Variants in MUC5B observed in about 807,000 individuals in gnomAD.
MUC5B encodes mucin-5B.
A neutral mutation model predicts 376.9 loss-of-function variants in MUC5B; 116 were observed. The observed-to-expected ratio is 0.31, with a 90% confidence interval of 0.26 to 0.36. The LOEUF is 0.36. MUC5B is among the 10% of genes least tolerant of loss of function. The pLI, the probability that MUC5B is intolerant of heterozygous loss-of-function variation, is 1.00. For missense variants in MUC5B, 7,165 were observed against 7,769.9 expected, an observed-to-expected ratio of 0.92 and a Z score of 2.93; for synonymous variants, 3,517 against 3,390.9, an observed-to-expected ratio of 1.04 and a Z score of -1.29.
Position 1,261,585 on chromosome 11 carries a change from G to A in MUC5B, c.17266G>A (p.Ala5756Thr). 1.2e-6 allele frequency: 2 copies of A among 1,606,516 alleles called. No individual in the cohort carries two copies. The highest frequency in any genetic ancestry group is 1.7e-6 in the Non-Finnish European group (2 of 1,177,612). ...MAPPHTRGFPAQEATAV is the reference protein window; with the variant it reads ...MAPPHTRGFPTQEATAV ...TCCCCCACACACCCGTGGCTTCCCG[G>A]CCCAGGAGGCCACTGCTGTCTGAGA... The change falls in exon 49 of 49, where the codon GCC becomes ACC. Residue 5756 changes from alanine to threonine, a missense_variant. This residue lies in a region of MUC5B where 842 missense variants were observed against 1,016.9 expected (regional missense o/e 0.83). Coordinates refer to ENST00000529681, the MANE Select transcript of MUC5B (RefSeq NM_002458.3).
At chr11:1,252,729 T>C (rs1862738121) in intron 32 of MUC5B, 80 bp from the exon 33 acceptor site, 1 of 1,500,572 alleles carries the variant, frequency 6.7e-7, no homozygotes, top group Non-Finnish European at 9.0e-7. Flanking sequence ...CCCGGGGCTT[T>C]GGGCCATGAG....
At position 1,246,864 on chromosome 11, in the gene MUC5B, C is replaced by A; in HGVS notation, c.9984C>A (p.Leu3328=). 6.2e-7 allele frequency: 1 copy of A among 1,610,392 alleles called. No individual in the cohort carries two copies. Among genetic ancestry groups the A allele is most frequent in the Non-Finnish European group, 8.5e-7 (1 of 1,178,110 alleles). The change falls in exon 31 of 49, where the codon CTC becomes CTA. Residue 3328 remains leucine, a synonymous_variant. Coordinates refer to ENST00000529681, the MANE Select transcript of MUC5B (RefSeq NM_002458.3). ...ATPSSSPGTA[L]TPPVWISTTT... is the part of the protein sequence containing the mutation. Reference sequence around the variant, plus strand: ...CCTCCTCCAGCCCAGGGACGGCACTCACGCCTCCAGTGTGGATCAGCACAA... The same window carrying A: ...CCTCCTCCAGCCCAGGGACGGCACTAACGCCTCCAGTGTGGATCAGCACAA...
chr11:1,225,595 C>T, intron 1 of MUC5B, 86 bp from the exon 2 acceptor site: 2 of 1,261,770 alleles, frequency 1.6e-6, no homozygotes, highest in Non-Finnish European at 2.2e-6. Flanking sequence ...GGCTGCCGCA[C>T]CAGGGATGTG....
chr11:1,226,820 G>A lies in MUC5B; in HGVS notation c.405G>A (p.Lys135=). Residue 135 remains lysine, a synonymous_variant, in exon 4 of 49, where the codon AAG becomes AAA. Transcript: ENST00000529681. ...CTGTGGTCACCCGTGTTGTCATCAA[G>A]GCCCAGGGGCTGGTGCTGGAGGCGT... The part of the protein sequence containing the change: ...SRPVVTRVVI[K]AQGLVLEASN... The A allele has an allele frequency of 6.2e-7, 1 of 1,611,020 alleles. No individual in the cohort carries two copies. Among genetic ancestry groups the A allele is most frequent in the Non-Finnish European group, 8.5e-7 (1 of 1,179,774 alleles).
In MUC5B at chr11:1,253,133, T is replaced by G. The variant is rs1225826065; in HGVS notation, c.15217+153T>G. On this transcript the variant is annotated intron_variant, in intron 33 of 48. Transcript: ENST00000529681. This position sits in a 1 kb window ranked among gnomAD's most constrained non-coding sequence, Gnocchi z 4.3. ...GGGCATGGTGGGGTGCAGTGGGGCA[T>G]GGTGGGGCATGGTGGGGTGTGGTGG... The G allele has an allele frequency of 6.2e-5, 43 of 693,698 alleles. No homozygotes were observed. Among genetic ancestry groups the G allele is most frequent in the South Asian group, 1.0e-4 (6 of 57,290 alleles). The allele number at this position is 693,698 out of a possible 1,614,324, so 43.0% of individuals were successfully genotyped here.
chr11:1,240,039 C>A lies in MUC5B; in HGVS notation c.3729-6C>A. On this transcript the variant is annotated splice_region_variant and splice_polypyrimidine_tract_variant and intron_variant, in intron 28 of 48. Transcript: ENST00000529681. ...GGCCCTCAGCTCGCCTCTCCCCCAC[C>A]CCTAGTAACTGCACACCCAGTGGCA... 1 of 1,582,008 alleles carries A rather than the reference C, an allele frequency of 6.3e-7. No homozygotes were observed. The highest frequency in any genetic ancestry group is 8.6e-7 in the Non-Finnish European group (1 of 1,163,438).
At chr11:1,232,311 G>T in intron 15 of MUC5B, 139 bp from the exon 16 acceptor site, 1 of 1,344,430 alleles carries the variant, frequency 7.4e-7, no homozygotes. Flanking sequence ...GGGCCAGGCG[G>T]CCAGAACCCC....
At position 1,248,323 on chromosome 11, in the gene MUC5B, C is replaced by T. The variant is rs1250989886; in HGVS notation, c.11443C>T (p.Pro3815Ser). The T allele has an allele frequency of 1.2e-6, 2 of 1,611,574 alleles. No homozygotes were observed. Among genetic ancestry groups the T allele is most frequent in the Admixed American group, 1.7e-5 (1 of 59,852 alleles). Reference sequence around the variant, plus strand: ...GACCCGCCTATCACAGACCACCACACCCACGGCCACCATGTCCACAGCCAC... The same window carrying T: ...GACCCGCCTATCACAGACCACCACATCCACGGCCACCATGTCCACAGCCAC... ...TWTRLSQTTT[P>S]TATMSTATPS... The change falls in exon 31 of 49, where the codon CCC becomes TCC. Residue 3815 changes from proline (P) to serine (S), a missense_variant. Around this residue, in one of 31 missense-constraint regions of MUC5B, gnomAD observed 72 missense variants for 127.8 expected, o/e 0.56. Transcript: ENST00000529681.
At chr11:1,259,461 A>G in intron 44 of MUC5B, 1 of 525,370 alleles carries the variant, frequency 1.9e-6, no homozygotes, top group South Asian at 2.3e-5. Context: ...AAGGGAGGGT[A>G]TGAAGTAGGA....
rs751044463 is a variant in MUC5B, at chr11:1,248,972, C to T, written c.12092C>T (p.Ala4031Val). ...PHTVRTAWTS[A>V]TSGTLGTTHI... Reference sequence around the variant, plus strand: ...ACGGTGCGCACAGCCTGGACTTCGGCCACCTCAGGCACCTTGGGCACCACC... The same window carrying T: ...ACGGTGCGCACAGCCTGGACTTCGGTCACCTCAGGCACCTTGGGCACCACC... Residue 4031 changes from alanine (A) to valine (V), a missense_variant, in exon 31 of 49, where the codon GCC becomes GTC. Transcript: ENST00000529681. The T allele has an allele frequency of 8.7e-6, 14 of 1,606,508 alleles. No individual in the cohort carries two copies. Among genetic ancestry groups the T allele is most frequent in the Non-Finnish European group, 1.2e-5 (14 of 1,176,906 alleles).
rs1300562017 is a variant in MUC5B at position 1,249,285 on chromosome 11, A to T, written c.12405A>T (p.Ser4135=). The T allele has an allele frequency of 6.2e-7, 1 of 1,611,382 alleles. No individual in the cohort carries two copies. The highest frequency in any genetic ancestry group is 1.1e-5 in the South Asian group (1 of 90,980). ...TTGCEPQCAW[S]EWLDYSYPMP... ...GCTGTGAGCCCCAGTGTGCCTGGTC[A>T]GAGTGGCTGGACTACAGCTACCCCA... Residue 4135 remains serine (S), a synonymous_variant, in exon 31 of 49, where the codon TCA becomes TCT. Coordinates refer to ENST00000529681, the MANE Select transcript of MUC5B (RefSeq NM_002458.3).
At position 1,261,575 on chromosome 11, in the gene MUC5B, T is replaced by G. The variant is rs1216505097; in HGVS notation, c.17256T>G (p.Arg5752=). Residue 5752 remains arginine, a synonymous_variant, in exon 49 of 49, where the codon CGT becomes CGG. Transcript: ENST00000529681. ...VPAPMAPPHT[R]GFPAQEATAV is the part of the protein sequence containing the mutation. ...CGCCCATGGCTCCCCCACACACCCG[T>G]GGCTTCCCGGCCCAGGAGGCCACTG... is the stretch of plus-strand genomic sequence containing the variant. 4 of 1,607,800 alleles carry G rather than the reference T, an allele frequency of 2.5e-6. No homozygotes were observed. In the South Asian group the frequency reaches 3.3e-5, roughly 13 times the overall value.
intron 26 of MUC5B, 181 bp from the exon 27 acceptor site, chr11:1,239,257 G>A (rs549463424): frequency 4.3e-6 from 4 of 931,578 alleles, no homozygotes; most frequent in African/African-American, 3.3e-5. Context: ...AGAGTTCCAA[G>A]GGCAGGGCTG....
At position 1,230,052 on chromosome 11, in the gene MUC5B, G is replaced by C. The variant is rs770761994; in HGVS notation, c.1268G>C (p.Gly423Ala). 1.9e-6 allele frequency: 3 copies of C among 1,610,728 alleles called. No homozygotes were observed. Among genetic ancestry groups the C allele is most frequent in the South Asian group, 2.2e-5 (2 of 90,868 alleles). Residue 423 changes from glycine to alanine, a missense_variant, in exon 11 of 49, where the codon GGC becomes GCC. By Grantham distance (60) the Gly-to-Ala change is moderately conservative. Transcript: ENST00000529681. ...LWQCQDLPCP[G>A]TCSVQGGAHI... The stretch of plus-strand genomic sequence containing the variant: ...CAGTGCCAGGACCTGCCGTGCCCTG[G>C]CACCTGCTCTGTGCAGGGCGGGGCC...
intron 13 of MUC5B, 143 bp downstream of exon 13, chr11:1,231,148 G>C: frequency 1.1e-6 from 1 of 922,068 alleles, no homozygotes; most frequent in Non-Finnish European, 1.6e-6. Context: ...TCGGTTTCTC[G>C]TCTGCAGAGT....
At chr11:1,229,652 G>C (rs762485514) in intron 9 of MUC5B, 38 bp from the exon 10 acceptor site, 1 of 1,507,910 alleles carries the variant, frequency 6.6e-7, no homozygotes, top group East Asian at 2.5e-5. Context: ...GGTGTCCCCC[G>C]TGCATGGGCC....
Position 1,230,588 on chromosome 11 carries a change from C to T in MUC5B, c.1458C>T (p.Asp486=), listed in dbSNP as rs376400745. The change falls in exon 12 of 49, where the codon GAC becomes GAT. Residue 486 remains aspartate, a synonymous_variant. Transcript: ENST00000529681. The part of the protein sequence containing the change: ...NCLKAVTLSL[D]GGDTAIRVQA... ...TGAAAGCGGTGACGCTCAGCCTGGA[C>T]GGCGGGGACACGGTGAGGACCTGGC... 6.1e-5 allele frequency: 98 copies of T among 1,608,630 alleles called. No homozygotes were observed. The highest frequency in any genetic ancestry group is 5.6e-4 in the African/African-American group (42 of 75,026).
Position 1,254,879 on chromosome 11 carries a change from C to T in MUC5B, c.15663C>T (p.Cys5221=), listed in dbSNP as rs199733006. Residue 5221 remains cysteine, a splice_region_variant and synonymous_variant, in exon 35 of 49, where the codon TGC becomes TGT. Coordinates refer to ENST00000529681, the MANE Select transcript of MUC5B (RefSeq NM_002458.3). ...TCCACAACAACACCGAGGGCCAGTG[C>T]GGTGAGTGGGCGGCGGGTCCTGCCC... ...SLFHNNTEGQ[C]GTCTNNQRDD... is the part of the protein sequence containing the mutation. 117 of 1,602,352 alleles carry T rather than the reference C, an allele frequency of 7.3e-5. No individual in the cohort carries two copies. In the African/African-American group the frequency reaches 9.9e-4, roughly 14 times the overall value.
rs202019353 is a variant in MUC5B, at chr11:1,250,433, C to G, written c.13553C>G (p.Thr4518Arg). Residue 4518 changes from threonine to arginine, a missense_variant, in exon 31 of 49, where the codon ACA becomes AGA. This residue lies in a region of MUC5B where 431 missense variants were observed against 390.4 expected (regional missense o/e 1.10). Coordinates refer to ENST00000529681, the MANE Select transcript of MUC5B (RefSeq NM_002458.3). ...PALRSTATTP[T>R]ATSFTAIPSS... ...CTGAGAAGCACAGCCACCACACCCACAGCTACCAGCTTTACAGCCATCCCC... is the reference window on the plus strand; with the variant it reads ...CTGAGAAGCACAGCCACCACACCCAGAGCTACCAGCTTTACAGCCATCCCC... 8.9e-5 allele frequency: 143 copies of G among 1,609,048 alleles called. No individual in the cohort carries two copies. The African/African-American group carries it at 1.5e-3, about 17-fold the overall frequency.
Sources: gnomAD v4.1 joint callset for allele counts on GRCh38, gnomAD v4.1.1 for gene constraint, gnomAD v4.1.1 regional missense constraint, Gnocchi (gnomAD v3.1) non-coding constraint, MANE v1.5 for transcripts, NCBI Gene and HGNC (gene_info 2026-07-23, HGNC 2026-07-21) for gene names.